MERTK: variants seen among roughly 807,000 people sequenced by gnomAD.
The protein encoded by MERTK is MER proto-oncogene, tyrosine kinase.
In MERTK, 69 loss-of-function variants were observed where a neutral mutation model predicts 99.3. The ratio of observed to expected loss-of-function variants is 0.70; its 90% CI spans 0.57 to 0.85. The LOEUF is 0.85. Among genes scored for constraint, MERTK ranks in the 40% least tolerant of loss-of-function variants. The pLI is 0.00. For missense variants in MERTK, 1,125 were observed against 1,249.4 expected (o/e 0.90, Z 1.50); for synonymous variants, 426 against 467.6 (o/e 0.91, Z 1.15).
chr2:111,921,659 C>T (rs1312377355), intron 1 of MERTK, among the ~76,000 whole-genome samples: 1 of 152,142 alleles, frequency 6.6e-6, no homozygotes, highest in Admixed American at 6.6e-5. Context: ...CATTTATGTG[C>T]CATATGTTCA....
intron 2 of MERTK, among the ~76,000 whole-genome samples, chr2:111,937,907 T>A (rs1334721901): frequency 6.6e-6 from 1 of 152,128 alleles, no homozygotes; most frequent in Admixed American, 6.6e-5. Context: ...TTTTAATTTT[T>A]TTGACATGGT....
chr2:111,916,284 C>T (rs905642788), intron 1 of MERTK, among the ~76,000 whole-genome samples: 2 of 152,086 alleles, frequency 1.3e-5, no homozygotes, highest in South Asian at 2.1e-4. Context: ...AGAGCCACCG[C>T]GCCTGGCCCT....
intron 1 of MERTK, among the ~76,000 whole-genome samples, chr2:111,928,253 T>C (rs1198059193): frequency 8.6e-6 from 1 of 115,758 alleles, no homozygotes; most frequent in Non-Finnish European, 1.7e-5. Flanking sequence ...TGAGACAGGG[T>C]CTCACTCTGT....
chr2:111,905,689 G>A (rs983883396), intron 1 of MERTK, among the ~76,000 whole-genome samples: 7 of 151,880 alleles, frequency 4.6e-5, no homozygotes, highest in African/African-American at 1.7e-4. Context: ...GGCTGGTCTC[G>A]AACTCCTGGC....
intron 15 of MERTK, chr2:112,015,655 C>T (rs1677202884): frequency 6.6e-6 from 1 of 151,540 alleles, no homozygotes; most frequent in Admixed American, 6.6e-5. Context: ...TTAACACGGG[C>T]AAAAATATTT....
At chr2:111,947,630 C>CCCATGGTTTAACACCATCTATAAGAAAT in intron 4 of MERTK, 63 bp downstream of exon 4, 1 of 1,590,072 alleles carries the variant, frequency 6.3e-7, no homozygotes, top group Non-Finnish European at 8.6e-7. Context: ...AAAAGTTTGG[C>CCCATGGTTTAACACCATCTATAAGAAAT]GACCCTTGCT....
At chr2:111,969,981 G>A (rs552008314) in intron 6 of MERTK, among the ~76,000 whole-genome samples, 3 of 151,598 alleles carry the variant, frequency 2.0e-5, no homozygotes, top group South Asian at 4.2e-4. Context: ...GTGAGCCACC[G>A]CGCCCTGCCC....
At chr2:111,954,497 C>G (rs1685113221) in intron 4 of MERTK, among the ~76,000 whole-genome samples, 1 of 152,168 alleles carries the variant, frequency 6.6e-6, no homozygotes, top group African/African-American at 2.4e-5. Context: ...AGCCCCATCA[C>G]CCAGCACAGT....
chr2:112,011,136 G>T (rs1358487079), intron 15 of MERTK, among the ~76,000 whole-genome samples: 4 of 152,204 alleles, frequency 2.6e-5, no homozygotes. Context: ...GTGCAGTGGT[G>T]CAATTAGGAA....
intron 2 of MERTK, among the ~76,000 whole-genome samples, chr2:111,931,347 A>G (rs973509799): frequency 4.6e-5 from 7 of 152,148 alleles, no homozygotes; most frequent in African/African-American, 1.4e-4. Context: ...AGGAGATTTG[A>G]CTATATTTTT....
intron 15 of MERTK, among the ~76,000 whole-genome samples, chr2:112,017,012 G>C (rs1055093761): frequency 1.3e-5 from 2 of 152,236 alleles, no homozygotes; most frequent in Admixed American, 6.5e-5. Flanking sequence ...GCAGCAGCAA[G>C]ATTTATTGTG....
chr2:111,939,238 G>A (rs1006895028), intron 2 of MERTK, among the ~76,000 whole-genome samples: 9 of 152,044 alleles, frequency 5.9e-5, no homozygotes, highest in African/African-American at 2.2e-4. Flanking sequence ...GGGGCTGAGC[G>A]TGCTCATGTG....
chr2:111,925,290 A>ATTTTTTTTT (rs1336943200), intron 1 of MERTK, among the ~76,000 whole-genome samples: 9 of 31,504 alleles, frequency 2.9e-4, no homozygotes, highest in Non-Finnish European at 3.3e-4. Flanking sequence ...ATATATATAT[A>ATTTTTTTTT]TATTTTTTTT....
rs563474773 is a variant in MERTK at position 111,900,650 on chromosome 2, CT to C, written c.61+1858del. On this transcript the variant is annotated intron_variant, in intron 1 of 18. Transcript: ENST00000295408. ...TTTAATCAGACAATCATAAAAAGGC[CT>C]TTTAAAATCCACCCAGCTGGAAGAA... is the stretch of plus-strand genomic sequence containing the variant. Among the ~76,000 whole-genome samples the C allele has an allele frequency of 5.8e-3, 882 of 152,030 alleles. 8 individuals carry two copies. The highest frequency in any genetic ancestry group is 9.9e-3 in the Non-Finnish European group (672 of 67,948).
At chr2:111,913,386 T>C (rs903625025) in intron 1 of MERTK, among the ~76,000 whole-genome samples, 1 of 152,214 alleles carries the variant, frequency 6.6e-6, no homozygotes, top group African/African-American at 2.4e-5. Flanking sequence ...TATTTCACCA[T>C]TTGGAGTGAT....
intron 3 of MERTK, among the ~76,000 whole-genome samples, chr2:111,945,377 A>G (rs1412860359): frequency 6.6e-6 from 1 of 152,218 alleles, no homozygotes; most frequent in Non-Finnish European, 1.5e-5. Context: ...AAGAAGCAAA[A>G]TGCTTTCTAC....
intron 16 of MERTK, among the ~76,000 whole-genome samples, chr2:112,020,353 G>A (rs1246338770): frequency 6.6e-6 from 1 of 152,102 alleles, no homozygotes; most frequent in Non-Finnish European, 1.5e-5. Context: ...CAGCAGGTAG[G>A]GTGACCAGCT....
intron 17 of MERTK, among the ~76,000 whole-genome samples, chr2:112,021,834 C>T (rs995954066): frequency 6.6e-6 from 1 of 152,142 alleles, no homozygotes; most frequent in Non-Finnish European, 1.5e-5. Flanking sequence ...TTTTTCCTTG[C>T]CGTCAAAGGA....
intron 2 of MERTK, chr2:111,940,989 A>T (rs1256997358): frequency 3.4e-6 from 2 of 590,128 alleles, no homozygotes; most frequent in South Asian, 3.1e-5. Flanking sequence ...TGCAGTTGAA[A>T]CCGGCGGGGT....
Sources: allele counts gnomAD v4.1 joint callset (sites outside exome capture counted in the v4.1 genomes callset), GRCh38; gene constraint gnomAD v4.1.1; transcripts MANE v1.5; gene names NCBI Gene and HGNC (gene_info 2026-07-23, HGNC 2026-07-21).